Variants in PPP1R9A observed in about 807,000 individuals in gnomAD.
PPP1R9A encodes the protein neurabin-1.
PPP1R9A carries 59 observed loss-of-function variants against 141.9 expected under a neutral mutation model. That is an observed-to-expected ratio of 0.42 (90% confidence interval 0.34 to 0.52). PPP1R9A has a LOEUF of 0.52. Ranked by LOEUF, PPP1R9A falls within the 20% of genes least tolerant of loss-of-function variation. The pLI is 0.10. For missense variants in PPP1R9A, 1,444 were observed against 1,611.9 expected, an observed-to-expected ratio of 0.90 and a Z score of 1.78; for synonymous variants, 500 against 569.7, an observed-to-expected ratio of 0.88 and a Z score of 1.74.
intron 4 of PPP1R9A, among the ~76,000 whole-genome samples, chr7:95,137,158 G>A (rs1044106133): frequency 1.1e-4 from 17 of 151,388 alleles, no homozygotes; most frequent in Admixed American, 8.6e-4. Flanking sequence ...ATATGTATAC[G>A]TGTGCCATGT....
Position 95,290,092 on chromosome 7 carries a change from C to A in PPP1R9A, c.3914C>A (p.Ala1305Asp), listed in dbSNP as rs754321207. The A allele has an allele frequency of 1.2e-6, 2 of 1,613,152 alleles. No homozygotes were observed. The highest frequency in any genetic ancestry group is 1.7e-6 in the Non-Finnish European group (2 of 1,179,756). The change falls in exon 20 of 20, where the codon GCT becomes GAT. Residue 1305 changes from alanine (A) to aspartate (D), a missense_variant and splice_region_variant. Around this residue, in one of 5 missense-constraint regions of PPP1R9A, gnomAD observed 459 missense variants for 513.8 expected, o/e 0.89. Coordinates refer to ENST00000433360, the MANE Select transcript of PPP1R9A (RefSeq NM_001166160.2). ...TTTGTGTGTGTGTTTCTTTCTTAGG[C>A]TCTTGGAATGACAGCATCCCAGGAC... is the stretch of plus-strand genomic sequence containing the variant. The part of the protein sequence containing the change: ...LLQLDGNKLK[A>D]LGMTASQDRA...
intron 3 of PPP1R9A, among the ~76,000 whole-genome samples, chr7:95,114,413 T>A (rs1261451907): frequency 6.6e-6 from 1 of 152,160 alleles, no homozygotes; most frequent in Non-Finnish European, 1.5e-5. Flanking sequence ...ATGTTTAGTA[T>A]AATGGTCACT....
At chr7:95,118,475 A>G (rs79176817) in intron 3 of PPP1R9A, among the ~76,000 whole-genome samples, 1,764 of 152,318 alleles carry the variant, frequency 0.012, 27 homozygotes, top group African/African-American at 0.031. Flanking sequence ...GGTTTGCATC[A>G]GGCAGCTCAT....
In PPP1R9A at chr7:95,211,867, A is replaced by G. The variant is rs114698552; in HGVS notation, c.1956+8137A>G. ...CCCGGCATGGCATTGCTGCATGCCTATAGTCCCAACTGCATGGGAAGCTGA... is the reference window on the plus strand; with the variant it reads ...CCCGGCATGGCATTGCTGCATGCCTGTAGTCCCAACTGCATGGGAAGCTGA... On this transcript the variant is annotated intron_variant, in intron 7 of 19. Coordinates refer to ENST00000433360, the MANE Select transcript of PPP1R9A (RefSeq NM_001166160.2). 3.9e-3 allele frequency among the ~76,000 whole-genome samples: 592 copies of G among 152,268 alleles called. 5 individuals carry two copies. Among genetic ancestry groups the G allele is most frequent in the African/African-American group, 0.013 (556 of 41,554 alleles).
chr7:95,125,126 A>T (rs1484955605), intron 4 of PPP1R9A, among the ~76,000 whole-genome samples: 1 of 152,088 alleles, frequency 6.6e-6, no homozygotes, highest in Admixed American at 6.6e-5. Flanking sequence ...TGAATGAGTG[A>T]ATCCTTGTGC....
intron 2 of PPP1R9A, among the ~76,000 whole-genome samples, chr7:95,020,386 T>G (rs1805767096): frequency 1.3e-5 from 2 of 152,124 alleles, no homozygotes; most frequent in African/African-American, 4.8e-5. Context: ...AATTAAATAT[T>G]TTATTATTTT....
In PPP1R9A at chr7:95,094,579, C is replaced by T. The variant is rs146696389; in HGVS notation, c.1396-16680C>T. On this transcript the variant is annotated intron_variant, in intron 2 of 19. Coordinates refer to ENST00000433360, the MANE Select transcript of PPP1R9A (RefSeq NM_001166160.2). ...AGGAAGGAGTGAGTAGAACAAGAAT[C>T]CTTTTAAAGATAGAAACAGGCTGGG... Among the ~76,000 whole-genome samples the T allele has an allele frequency of 8.9e-3, 1,358 of 151,924 alleles. 12 individuals carry two copies. The highest frequency in any genetic ancestry group is 0.01 in the Admixed American group (160 of 15,250).
At chr7:95,268,774 A>T in intron 13 of PPP1R9A, 67 bp downstream of exon 13, 2 of 1,547,710 alleles carry the variant, frequency 1.3e-6, no homozygotes, top group Admixed American at 3.9e-5. Flanking sequence ...CAGCTTATTG[A>T]AGATTATGAT....
rs546959344 is a variant in PPP1R9A, at chr7:95,069,789, C to T, written c.1396-41470C>T. Among the ~76,000 whole-genome samples, 10 of 152,136 alleles carry T rather than the reference C, an allele frequency of 6.6e-5. No homozygotes were observed. In the East Asian group the frequency reaches 1.2e-3, roughly 18 times the overall value. ...GAGAATGTTCTTGTCAGAGACCAAG[C>T]GAAGAGACAGCCAAGGGGGAAGAGA... is the stretch of plus-strand genomic sequence containing the variant. On this transcript the variant is annotated intron_variant, in intron 2 of 19. Transcript: ENST00000433360.
chr7:95,015,231 C>T (rs117410885), intron 2 of PPP1R9A, among the ~76,000 whole-genome samples: 13,698 of 100,882 alleles, frequency 0.14, 671 homozygotes, highest in Admixed American at 0.2. Flanking sequence ...TATATATACA[C>T]ACACACACAC....
intron 2 of PPP1R9A, among the ~76,000 whole-genome samples, chr7:95,059,743 T>C (rs1028902102): frequency 2.6e-5 from 4 of 152,170 alleles, no homozygotes; most frequent in Non-Finnish European, 5.9e-5. Context: ...ATAAAGGAAC[T>C]TCGTAGCTCA....
intron 2 of PPP1R9A, among the ~76,000 whole-genome samples, chr7:94,916,760 AT>A (rs1307327351): frequency 6.6e-6 from 1 of 152,060 alleles, no homozygotes; most frequent in Non-Finnish European, 1.5e-5. Flanking sequence ...TGGTCATATG[AT>A]TTAACTTGCT....
chr7:95,047,836 A>G (rs1810242491), intron 2 of PPP1R9A, among the ~76,000 whole-genome samples: 1 of 152,146 alleles, frequency 6.6e-6, no homozygotes, highest in African/African-American at 2.4e-5. Flanking sequence ...CTCCATATAG[A>G]AAGTGTTTGA....
chr7:95,057,646 CTGTT>C lies in PPP1R9A; in HGVS notation c.1396-53611_1396-53608del, dbSNP rs968648510. On this transcript the variant is annotated intron_variant, in intron 2 of 19. Transcript: ENST00000433360. Reference sequence around the variant, plus strand: ...GTCTAAAACTTGGGAAACCATCCCTCTGTTTAATTTTTTAAATTCCTCTCAGATC... The same window carrying C: ...GTCTAAAACTTGGGAAACCATCCCTCTAATTTTTTAAATTCCTCTCAGATC... Among the ~76,000 whole-genome samples the C allele has an allele frequency of 2.6e-5, 4 of 152,226 alleles. 1 individual carries two copies. Among genetic ancestry groups the C allele is most frequent in the Admixed American group, 2.6e-4 (4 of 15,286 alleles).
chr7:95,228,772 G>A lies in PPP1R9A; in HGVS notation c.2112+2656G>A, dbSNP rs115064977. The stretch of plus-strand genomic sequence containing the variant: ...GAACTGGCATTTTAAAAATCACATC[G>A]AATCTTTTAATCCAAGTTCATGGAA... On this transcript the variant is annotated intron_variant, in intron 8 of 19. Transcript: ENST00000433360. Among the ~76,000 whole-genome samples the A allele has an allele frequency of 9.2e-3, 1,403 of 152,016 alleles. 20 individuals carry two copies. Among genetic ancestry groups the A allele is most frequent in the African/African-American group, 0.033 (1,349 of 41,462 alleles).
intron 2 of PPP1R9A, among the ~76,000 whole-genome samples, chr7:94,954,409 C>G (rs958293820): frequency 6.6e-6 from 1 of 151,820 alleles, no homozygotes; most frequent in Non-Finnish European, 1.5e-5. Context: ...AAAAGTCATT[C>G]TTTCCTTATG....
chr7:95,131,751 T>C (rs1303841214), intron 4 of PPP1R9A, among the ~76,000 whole-genome samples: 1 of 152,130 alleles, frequency 6.6e-6, no homozygotes, highest in Non-Finnish European at 1.5e-5. Flanking sequence ...TTGATAGGAC[T>C]AGTGTTGAAT....
intron 5 of PPP1R9A, among the ~76,000 whole-genome samples, chr7:95,183,781 G>T (rs949100220): frequency 6.6e-6 from 1 of 151,680 alleles, no homozygotes; most frequent in Non-Finnish European, 1.5e-5. Context: ...GGGTTAGATA[G>T]GAAATTCATT....
intron 2 of PPP1R9A, among the ~76,000 whole-genome samples, chr7:94,968,573 G>A (rs1462380319): frequency 6.6e-6 from 1 of 151,412 alleles, no homozygotes. Context: ...TCTTTATTTT[G>A]AGCCTATGTG....
Sources: allele counts gnomAD v4.1 joint callset (sites outside exome capture counted in the v4.1 genomes callset), GRCh38; gene constraint gnomAD v4.1.1; regional missense constraint gnomAD v4.1.1; transcripts MANE v1.5; gene names NCBI Gene and HGNC (gene_info 2026-07-23, HGNC 2026-07-21).